The following VSTM2L variants were observed in gnomAD, a reference collection of about 807,000 sequenced individuals.
VSTM2L encodes the protein V-set and transmembrane domain containing 2 like, also known as V-set and transmembrane domain-containing protein 2-like protein.
Under a neutral mutation model 19.9 loss-of-function variants are expected in VSTM2L, and 9 were observed. The observed-to-expected ratio is 0.45, with a 90% CI of 0.27 to 0.79. VSTM2L has a LOEUF of 0.79. VSTM2L is among the 30% of genes least tolerant of loss of function. The probability of loss-of-function intolerance (pLI) is 0.15; values close to 1 mark genes in which losing one functional copy is unlikely to be tolerated. For synonymous variants in VSTM2L, 127 were observed against 133.8 expected (o/e 0.95, Z 0.35); for missense variants, 286 against 295.5 (o/e 0.97, Z 0.24).
intron 1 of VSTM2L, among the ~76,000 whole-genome samples, chr20:37,918,673 C>A (rs1312392603): frequency 6.6e-6 from 1 of 152,080 alleles, no homozygotes; most frequent in Non-Finnish European, 1.5e-5. Flanking sequence ...GGTACAGGGA[C>A]CCTGTGGAAA....
intron 1 of VSTM2L, among the ~76,000 whole-genome samples, chr20:37,926,516 G>T (rs1359963034): frequency 6.6e-6 from 1 of 152,150 alleles, no homozygotes. Flanking sequence ...ACTCTAGCCT[G>T]GCGAAAGAGC....
intron 1 of VSTM2L, among the ~76,000 whole-genome samples, chr20:37,918,003 A>G (rs1340273293): frequency 6.6e-6 from 1 of 152,218 alleles, no homozygotes; most frequent in Non-Finnish European, 1.5e-5. Context: ...ATGCCTCAGG[A>G]AGTTGCTTTC....
At chr20:37,927,706 G>GC (rs985598588) in intron 1 of VSTM2L, among the ~76,000 whole-genome samples, 2 of 152,220 alleles carry the variant, frequency 1.3e-5, no homozygotes, top group African/African-American at 4.8e-5. Flanking sequence ...GTTGGCAGGG[G>GC]CGGGGGGGCC....
chr20:37,909,165 G>A (rs1568833509), intron 1 of VSTM2L, among the ~76,000 whole-genome samples: 1 of 152,198 alleles, frequency 6.6e-6, no homozygotes, highest in Non-Finnish European at 1.5e-5. Context: ...AATGGCCTCC[G>A]CATTCCACAC....
intron 1 of VSTM2L, among the ~76,000 whole-genome samples, chr20:37,921,194 G>GA (rs1169773695): frequency 2.0e-5 from 3 of 152,344 alleles, no homozygotes; most frequent in East Asian, 3.9e-4. Flanking sequence ...CCTGAGGAGG[G>GA]AGAGTACCTT....
At chr20:37,919,026 ATG>A (rs2072835726) in intron 1 of VSTM2L, among the ~76,000 whole-genome samples, 1 of 152,168 alleles carries the variant, frequency 6.6e-6, no homozygotes, top group African/African-American at 2.4e-5. Flanking sequence ...AGTCTCTGGC[ATG>A]TGTGTCTCTC....
rs1600566260 is a variant in VSTM2L, at chr20:37,921,384, C to T, written c.122-10251C>T. On this transcript the variant is annotated intron_variant, in intron 1 of 3. Coordinates refer to ENST00000373461, the MANE Select transcript of VSTM2L (RefSeq NM_080607.3). ...TTGACCCTGAGGGCTGGTAGTTTCC[C>T]AATGAGGCCCAAGTACGGGAGCTTC... Among the ~76,000 whole-genome samples the T allele has an allele frequency of 3.9e-5, 6 of 152,286 alleles. No homozygotes were observed. In the South Asian group the frequency reaches 1.2e-3, roughly 32 times the overall value.
chr20:37,913,308 CT>C (rs1463090643), intron 1 of VSTM2L, among the ~76,000 whole-genome samples: 2 of 152,198 alleles, frequency 1.3e-5, no homozygotes, highest in Non-Finnish European at 2.9e-5. Flanking sequence ...CCCCCAAAGC[CT>C]GTCTCTGGCC....
Position 37,915,202 on chromosome 20 carries a change from G to C in VSTM2L, c.121+11731G>C, listed in dbSNP as rs538430787. ...TCGGACAGCGGCTGAGGGCCCCTGG[G>C]ACAGGGCCCAGATCCACCAGCTCCT... On this transcript the variant is annotated intron_variant, in intron 1 of 3. Coordinates refer to ENST00000373461, the MANE Select transcript of VSTM2L (RefSeq NM_080607.3). Among the ~76,000 whole-genome samples the C allele has an allele frequency of 2.6e-5, 4 of 152,138 alleles. No individual in the cohort carries two copies. In the South Asian group the frequency reaches 8.3e-4, roughly 31 times the overall value.
At chr20:37,940,032 C>T (rs185261958) in intron 3 of VSTM2L, among the ~76,000 whole-genome samples, 5 of 152,178 alleles carry the variant, frequency 3.3e-5, no homozygotes, top group Admixed American at 6.5e-5. Flanking sequence ...GTGGGTGGGC[C>T]GAGGGCTGGG....
intron 1 of VSTM2L, among the ~76,000 whole-genome samples, chr20:37,923,665 A>C (rs2072864612): frequency 6.6e-6 from 1 of 152,158 alleles, no homozygotes; most frequent in South Asian, 2.1e-4. Flanking sequence ...GGGTAAGTCA[A>C]AGAGGAGAGA....
At chr20:37,914,753 A>C (rs1240135094) in intron 1 of VSTM2L, among the ~76,000 whole-genome samples, 1 of 152,166 alleles carries the variant, frequency 6.6e-6, no homozygotes, top group East Asian at 1.9e-4. Context: ...GCAGAGGGGA[A>C]AACTGAGGCT....
intron 3 of VSTM2L, among the ~76,000 whole-genome samples, chr20:37,942,875 C>T (rs146710077): frequency 6.6e-5 from 10 of 152,252 alleles, no homozygotes; most frequent in Non-Finnish European, 1.2e-4. Flanking sequence ...CTTGCTCCCC[C>T]CAAGTGGAGT....
intron 3 of VSTM2L, among the ~76,000 whole-genome samples, chr20:37,935,553 G>A (rs568873003): frequency 2.6e-5 from 4 of 152,008 alleles, no homozygotes; most frequent in South Asian, 4.2e-4. Context: ...AGGCTGGTCC[G>A]CCTGCCTGCA....
At chr20:37,921,569 A>G (rs2072851292) in intron 1 of VSTM2L, among the ~76,000 whole-genome samples, 1 of 152,212 alleles carries the variant, frequency 6.6e-6, no homozygotes, top group African/African-American at 2.4e-5. Flanking sequence ...TCCTGCCTTT[A>G]ACTAGAATCT....
intron 1 of VSTM2L, among the ~76,000 whole-genome samples, chr20:37,913,258 C>G (rs1277008988): frequency 6.6e-6 from 1 of 152,158 alleles, no homozygotes; most frequent in Non-Finnish European, 1.5e-5. Flanking sequence ...AAAAAAATGC[C>G]ACAGAGTTTT....
At chr20:37,934,600 T>C (rs968891712) in intron 3 of VSTM2L, among the ~76,000 whole-genome samples, 2 of 152,174 alleles carry the variant, frequency 1.3e-5, no homozygotes, top group African/African-American at 4.8e-5. Context: ...TTTTGCTTGA[T>C]TCTTCCACAA....
Position 37,944,075 on chromosome 20 carries a change from A to T in VSTM2L, c.437A>T (p.Asp146Val). 1 of 1,612,900 alleles carries T rather than the reference A, an allele frequency of 6.2e-7. No homozygotes were observed. The highest frequency in any genetic ancestry group is 8.5e-7 in the Non-Finnish European group (1 of 1,179,322). The stretch of plus-strand genomic sequence containing the variant: ...GGCACCTACGAGTGCCGCGTCATCG[A>T]CTTCAGCGACGGCAAGGCCCGGCAC... ...DEGTYECRVIDFSDGKARHHK... is the reference protein window; with the variant it reads ...DEGTYECRVIVFSDGKARHHK... Residue 146 changes from aspartate (D) to valine (V), a missense_variant, in exon 4 of 4, where the codon GAC becomes GTC. By Grantham distance (152) the Asp-to-Val change is radical. Coordinates refer to ENST00000373461, the MANE Select transcript of VSTM2L (RefSeq NM_080607.3).
intron 2 of VSTM2L, 39 bp from the exon 3 acceptor site, chr20:37,933,500 C>T: frequency 6.3e-7 from 1 of 1,599,656 alleles, no homozygotes; most frequent in Non-Finnish European, 8.6e-7. Flanking sequence ...GTGCTAACAC[C>T]TTGTCTCTGC....
Sources: allele counts gnomAD v4.1 joint callset (sites outside exome capture counted in the v4.1 genomes callset), GRCh38; gene constraint gnomAD v4.1.1; transcripts MANE v1.5; gene names NCBI Gene and HGNC (gene_info 2026-07-23, HGNC 2026-07-21).